NKAIN2: variants seen among roughly 807,000 people sequenced by gnomAD.
NKAIN2 encodes the protein sodium/potassium transporting ATPase interacting 2.
Under a neutral mutation model 32.6 loss-of-function variants are expected in NKAIN2, and 14 were observed. The observed-to-expected ratio is 0.43, with a 90% CI of 0.28 to 0.67. The LOEUF (loss-of-function observed/expected upper bound fraction) is 0.67, where lower values mean the gene tolerates loss of function less well. Among genes scored for constraint, NKAIN2 ranks in the 30% least tolerant of loss-of-function variants. The pLI, the probability that NKAIN2 is intolerant of heterozygous loss-of-function variation, is 0.17. For synonymous variants in NKAIN2, 80 were observed against 87.2 expected (o/e 0.92, Z 0.46); for missense variants, 198 against 258.3 (o/e 0.77, Z 1.60).
chr6:124,260,237 C>T (rs1261987735), intron 1 of NKAIN2, among the ~76,000 whole-genome samples: 2 of 152,158 alleles, frequency 1.3e-5, no homozygotes, highest in Admixed American at 1.3e-4. Flanking sequence ...AGAAAAATCT[C>T]AGCCTTCAAG....
At chr6:124,016,969 A>C (rs1363851827) in intron 1 of NKAIN2, among the ~76,000 whole-genome samples, 2 of 152,152 alleles carry the variant, frequency 1.3e-5, no homozygotes, top group Non-Finnish European at 2.9e-5. Flanking sequence ...AAACCTACCT[A>C]TTCTGTATGT....
At chr6:123,923,061 TTTC>T (rs1349395238) in intron 1 of NKAIN2, among the ~76,000 whole-genome samples, 1 of 152,066 alleles carries the variant, frequency 6.6e-6, no homozygotes, top group Non-Finnish European at 1.5e-5. Flanking sequence ...TGCATTTCAT[TTTC>T]TTCTTCTGTT....
intron 1 of NKAIN2, among the ~76,000 whole-genome samples, chr6:123,900,742 A>G (rs1774542799): frequency 6.6e-6 from 1 of 151,828 alleles, no homozygotes; most frequent in Non-Finnish European, 1.5e-5. Context: ...TTGTTGTCTA[A>G]TCATATTTTT....
intron 1 of NKAIN2, among the ~76,000 whole-genome samples, chr6:123,923,836 A>G (rs1775878334): frequency 6.7e-6 from 1 of 149,718 alleles, no homozygotes; most frequent in South Asian, 2.2e-4. Context: ...GATATACCTA[A>G]TGCTAGATGA....
At chr6:124,578,380 A>T (rs1322242266) in intron 3 of NKAIN2, among the ~76,000 whole-genome samples, 1 of 151,844 alleles carries the variant, frequency 6.6e-6, no homozygotes, top group Non-Finnish European at 1.5e-5. Flanking sequence ...AGCATTCAGC[A>T]CAAGCTGACT....
chr6:124,391,279 G>C (rs1217332564), intron 3 of NKAIN2, among the ~76,000 whole-genome samples: 1 of 152,164 alleles, frequency 6.6e-6, no homozygotes, highest in Admixed American at 6.6e-5. Context: ...TTACCTGTCA[G>C]CTGATGAAGT....
intron 1 of NKAIN2, among the ~76,000 whole-genome samples, chr6:124,109,900 G>A (rs1364258949): frequency 6.6e-6 from 1 of 151,898 alleles, no homozygotes; most frequent in Non-Finnish European, 1.5e-5. Flanking sequence ...GCTGTATCAC[G>A]TTAACTGATT....
chr6:124,757,643 A>C (rs17711704), intron 4 of NKAIN2, among the ~76,000 whole-genome samples: 23,102 of 152,112 alleles, frequency 0.15, 2,208 homozygotes, highest in Non-Finnish European at 0.21. Flanking sequence ...TATGTTTTCC[A>C]AAGCAGCCAA....
chr6:124,135,156 C>T (rs1398939693), intron 1 of NKAIN2, among the ~76,000 whole-genome samples: 1 of 151,776 alleles, frequency 6.6e-6, no homozygotes, highest in Non-Finnish European at 1.5e-5. Context: ...CCTCAAAATA[C>T]ACCAAAATGA....
At chr6:124,524,854 A>T (rs1299002004) in intron 3 of NKAIN2, among the ~76,000 whole-genome samples, 1 of 152,184 alleles carries the variant, frequency 6.6e-6, no homozygotes, top group African/African-American at 2.4e-5. Context: ...CATTATTACA[A>T]GTGGTCTGTA....
At chr6:124,102,590 C>T (rs1784940226) in intron 1 of NKAIN2, among the ~76,000 whole-genome samples, 1 of 152,104 alleles carries the variant, frequency 6.6e-6, no homozygotes, top group African/African-American at 2.4e-5. Context: ...TTAGATTCAT[C>T]TGTATTGATC....
intron 3 of NKAIN2, among the ~76,000 whole-genome samples, chr6:124,502,335 T>C (rs748728119): frequency 6.6e-6 from 1 of 152,166 alleles, no homozygotes; most frequent in Admixed American, 6.5e-5. Context: ...TCTCTTAAGT[T>C]ACTTTAAAAA....
chr6:124,738,360 A>C (rs984861746), intron 4 of NKAIN2, among the ~76,000 whole-genome samples: 1 of 151,888 alleles, frequency 6.6e-6, no homozygotes, highest in Non-Finnish European at 1.5e-5. Context: ...TTTTAAAATA[A>C]TATAATTTGT....
intron 1 of NKAIN2, among the ~76,000 whole-genome samples, chr6:124,175,316 GA>G (rs562971354): frequency 5.1e-4 from 78 of 152,138 alleles, no homozygotes; most frequent in African/African-American, 1.6e-3. Context: ...TATTTGTAGG[GA>G]AAAAAAGAAC....
intron 3 of NKAIN2, among the ~76,000 whole-genome samples, chr6:124,555,847 T>C (rs940371903): frequency 7.2e-5 from 11 of 152,312 alleles, no homozygotes; most frequent in Non-Finnish European, 4.4e-5. Context: ...TCTCTTTAGC[T>C]CATGTCAAAA....
In NKAIN2 at chr6:124,016,408, C is replaced by T. The variant is rs111565867; in HGVS notation, c.54+212154C>T. Among the ~76,000 whole-genome samples, 1,019 of 152,250 alleles carry T rather than the reference C, an allele frequency of 6.7e-3. 2 individuals are homozygous for T. The highest frequency in any genetic ancestry group is 0.012 in the South Asian group (59 of 4,822). On this transcript the variant is annotated intron_variant, in intron 1 of 6. Transcript: ENST00000368417. ...CTTTCATTAACTTGGCAATTTAGTA[C>T]CTGCTTTCTCCAAAAGCAGTGATCA...
chr6:123,900,632 C>G (rs919399505), intron 1 of NKAIN2, among the ~76,000 whole-genome samples: 1 of 142,308 alleles, frequency 7.0e-6, no homozygotes, highest in South Asian at 2.3e-4. Flanking sequence ...GTTAACCCCC[C>G]GAGCTGGCGT....
chr6:124,296,660 A>T (rs2689918), intron 2 of NKAIN2, among the ~76,000 whole-genome samples: 19,255 of 152,222 alleles, frequency 0.13, 2,017 homozygotes, highest in African/African-American at 0.29. Flanking sequence ...AAGGAACCAC[A>T]TCAAAATTCC....
intron 3 of NKAIN2, among the ~76,000 whole-genome samples, chr6:124,417,130 T>A (rs1364740053): frequency 6.6e-6 from 1 of 152,212 alleles, no homozygotes; most frequent in Non-Finnish European, 1.5e-5. Context: ...GATAAATAGA[T>A]GGCATACTGA....
Sources: allele counts gnomAD v4.1 joint callset (sites outside exome capture counted in the v4.1 genomes callset), GRCh38; gene constraint gnomAD v4.1.1; transcripts MANE v1.5; gene names NCBI Gene and HGNC (gene_info 2026-07-23, HGNC 2026-07-21).